The following SLIT3 variants were observed in gnomAD, a reference collection of about 807,000 sequenced individuals.
SLIT3 encodes slit guidance ligand 3, also known as slit homolog 3 protein.
Under a neutral mutation model 184.0 loss-of-function variants are expected in SLIT3, and 68 were observed. The observed-to-expected ratio is 0.37, with a 90% CI of 0.30 to 0.45. SLIT3 has a LOEUF of 0.45. Among genes scored for constraint, SLIT3 ranks in the 20% least tolerant of loss-of-function variants. The pLI, the probability that SLIT3 is intolerant of heterozygous loss-of-function variation, is 1.00. For synonymous variants in SLIT3, 831 were observed against 828.6 expected, an observed-to-expected ratio of 1.00 and a Z score of -0.05; for missense variants, 1,707 against 2,026.0, an observed-to-expected ratio of 0.84 and a Z score of 3.02.
At chr5:169,074,078 G>A (rs1758650168) in intron 4 of SLIT3, among the ~76,000 whole-genome samples, 1 of 152,180 alleles carries the variant, frequency 6.6e-6, no homozygotes, top group African/African-American at 2.4e-5. Context: ...ACAGCAGCTG[G>A]TTGAACAAGA....
At chr5:168,949,610 T>C (rs1315008608) in intron 4 of SLIT3, among the ~76,000 whole-genome samples, 1 of 136,728 alleles carries the variant, frequency 7.3e-6, no homozygotes, top group Non-Finnish European at 1.7e-5. Flanking sequence ...TTTGTCTTGT[T>C]TTTTTTGAGG....
chr5:169,042,645 C>T (rs1757485020), intron 4 of SLIT3, among the ~76,000 whole-genome samples: 1 of 152,170 alleles, frequency 6.6e-6, no homozygotes, highest in South Asian at 2.1e-4. Context: ...GCCACTAGCT[C>T]CTTTGACTCA....
intron 4 of SLIT3, among the ~76,000 whole-genome samples, chr5:169,158,621 A>G (rs1391331767): frequency 6.6e-6 from 1 of 152,202 alleles, no homozygotes; most frequent in African/African-American, 2.4e-5. Flanking sequence ...AATTATAACT[A>G]CTGTCTGGTG....
intron 3 of SLIT3, among the ~76,000 whole-genome samples, chr5:169,209,713 A>G (rs77841268): frequency 6.6e-6 from 1 of 152,124 alleles, no homozygotes; most frequent in Non-Finnish European, 1.5e-5. Context: ...ACCAAACACC[A>G]CATGTTCTCA....
chr5:168,725,532 A>G (rs1285845030), intron 20 of SLIT3, among the ~76,000 whole-genome samples: 1 of 152,192 alleles, frequency 6.6e-6, no homozygotes, highest in East Asian at 1.9e-4. Context: ...ATAAGAGTCA[A>G]CACATAGCCA....
Position 168,999,970 on chromosome 5 carries a change from G to A in SLIT3, c.414-116634C>T, listed in dbSNP as rs371440717. 2.0e-4 allele frequency among the ~76,000 whole-genome samples: 30 copies of A among 152,306 alleles called. 1 individual carries two copies. Among genetic ancestry groups the A allele is most frequent in the African/African-American group, 7.0e-4 (29 of 41,578 alleles). On this transcript the variant is annotated intron_variant, in intron 4 of 35. Coordinates refer to ENST00000519560, the MANE Select transcript of SLIT3 (RefSeq NM_003062.4). ...CCCTTCATGATTTTTTCCACTTGGG[G>A]TCTGGGTATCCCCATCCTTCTTAGG...
chr5:168,976,278 C>A lies in SLIT3; in HGVS notation c.414-92942G>T, dbSNP rs1162267551. Among the ~76,000 whole-genome samples the A allele has an allele frequency of 2.6e-5, 4 of 152,162 alleles. No individual in the cohort carries two copies. The East Asian group carries it at 7.7e-4, about 29-fold the overall frequency. ...TTGACTCTTCTGATACACTCTTTTG[C>A]AAACTACAGGTCACTGATTCAATCG... is the stretch of plus-strand genomic sequence containing the variant. On this transcript the variant is annotated intron_variant, in intron 4 of 35. Transcript: ENST00000519560.
rs138568531 is a variant in SLIT3, at chr5:168,669,141, G to A, written c.4336+642C>T. ...TTGCCCCCAGTGACTACCACCTTCTGGTATTGATGCCCTTTATGTGGTCCC... is the reference window on the plus strand; with the variant it reads ...TTGCCCCCAGTGACTACCACCTTCTAGTATTGATGCCCTTTATGTGGTCCC... On this transcript the variant is annotated intron_variant, in intron 35 of 35. Transcript: ENST00000519560. Among the ~76,000 whole-genome samples, 21 of 152,316 alleles carry A rather than the reference G, an allele frequency of 1.4e-4. 1 individual carries two copies. The highest frequency in any genetic ancestry group is 1.5e-5 in the Non-Finnish European group (1 of 68,030).
At chr5:168,776,802 C>A (rs1449168768) in intron 12 of SLIT3, among the ~76,000 whole-genome samples, 1 of 152,098 alleles carries the variant, frequency 6.6e-6, no homozygotes, top group Non-Finnish European at 1.5e-5. Context: ...AACCAGGGCT[C>A]AGGAATGGAC....
intron 4 of SLIT3, among the ~76,000 whole-genome samples, chr5:168,901,335 G>A (rs1417860518): frequency 2.0e-5 from 3 of 147,912 alleles, no homozygotes; most frequent in African/African-American, 7.3e-5. Flanking sequence ...CTGCACTCGA[G>A]CCTGGGTGAC....
chr5:168,687,230 T>G, intron 29 of SLIT3, 114 bp from the exon 30 acceptor site: 2 of 1,216,172 alleles, frequency 1.6e-6, no homozygotes, highest in Non-Finnish European at 2.3e-6. Context: ...TCTACCCAAG[T>G]TCCTTTGGGA....
chr5:168,709,403 G>A (rs1253198740), intron 25 of SLIT3, among the ~76,000 whole-genome samples: 4 of 152,150 alleles, frequency 2.6e-5, no homozygotes, highest in African/African-American at 9.7e-5. Context: ...GACCCTGGCT[G>A]CAGTGCTTTT....
chr5:169,139,178 A>G (rs1400105055), intron 4 of SLIT3, among the ~76,000 whole-genome samples: 1 of 152,190 alleles, frequency 6.6e-6, no homozygotes, highest in Non-Finnish European at 1.5e-5. Context: ...TCAAAGCCCT[A>G]AAGTTGAAGG....
chr5:169,106,257 G>C (rs746322295), intron 4 of SLIT3, among the ~76,000 whole-genome samples: 46 of 152,144 alleles, frequency 3.0e-4, no homozygotes, highest in Non-Finnish European at 4.9e-4. Context: ...AGAAGCCAAG[G>C]GTCCTCTTTC....
chr5:169,174,244 G>A (rs976484488), intron 4 of SLIT3, among the ~76,000 whole-genome samples: 1 of 152,084 alleles, frequency 6.6e-6, no homozygotes, highest in African/African-American at 2.4e-5. Flanking sequence ...CCCTTATCCT[G>A]CATTTCTTTA....
chr5:168,680,630 A>T (rs979399746), intron 32 of SLIT3, among the ~76,000 whole-genome samples: 1 of 151,994 alleles, frequency 6.6e-6, no homozygotes, highest in African/African-American at 2.4e-5. Context: ...GCTGAGGAGG[A>T]GATCTCATTT....
At chr5:168,772,633 G>A in intron 14 of SLIT3, 148 bp downstream of exon 14, 4 of 742,618 alleles carry the variant, frequency 5.4e-6, no homozygotes, top group Non-Finnish European at 8.9e-6. Context: ...TTTTCTGCAG[G>A]GCTAACTGAA....
intron 4 of SLIT3, among the ~76,000 whole-genome samples, chr5:169,192,225 C>T (rs1763577101): frequency 6.6e-6 from 1 of 152,118 alleles, no homozygotes; most frequent in Admixed American, 6.5e-5. Context: ...GAGGGTATAG[C>T]CTTTCCTACA....
chr5:169,179,264 C>A (rs1763073482), intron 4 of SLIT3, among the ~76,000 whole-genome samples: 1 of 140,022 alleles, frequency 7.1e-6, no homozygotes. Context: ...TTAGTGAAAC[C>A]TATTCCTTTT....
Sources: gnomAD v4.1 joint callset for allele counts (sites outside exome capture counted in the v4.1 genomes callset) on GRCh38, gnomAD v4.1.1 for gene constraint, MANE v1.5 for transcripts, NCBI Gene and HGNC (gene_info 2026-07-23, HGNC 2026-07-21) for gene names.